Variants in ATN1 observed in about 807,000 individuals in gnomAD.
The protein encoded by ATN1 is atrophin 1.
Under a neutral mutation model 85.8 loss-of-function variants are expected in ATN1, and 19 were observed. The observed-to-expected ratio is 0.22, with a 90% confidence interval of 0.15 to 0.32. The LOEUF (loss-of-function observed/expected upper bound fraction) is 0.32. Among genes scored for constraint, ATN1 ranks in the 10% least tolerant of loss-of-function variants. The pLI, the probability that ATN1 is intolerant of heterozygous loss-of-function variation, is 1.00. For synonymous variants in ATN1, 674 were observed against 657.0 expected (o/e 1.03, Z -0.39); for missense variants, 1,453 against 1,564.5 (o/e 0.93, Z 1.20).
rs1555143346 is a variant in ATN1, at chr12:6,934,478, A to G, written c.179A>G (p.Glu60Gly). 1 of 1,592,612 alleles carries G rather than the reference A, an allele frequency of 6.3e-7. No homozygotes were observed. ...TCTCTCTAACAGAAGGCCCGAGTAG[A>G]GGAAGCCTCCACCCCAAAGGTCAAC... ...SRQTAKKARVEEASTPKVNKQ... is the reference protein window; with the variant it reads ...SRQTAKKARVGEASTPKVNKQ... The change falls in exon 4 of 10, where the codon GAG (glutamate) becomes GGG (glycine). Residue 60 changes from glutamate to glycine, a missense_variant. By Grantham distance (98) the Glu-to-Gly change is moderately conservative (BLOSUM62 -2). Around this residue, in one of 6 missense-constraint regions of ATN1, gnomAD observed 130 missense variants for 158.2 expected, o/e 0.82. Transcript: ENST00000396684. This position sits in a 1 kb window ranked among gnomAD's most constrained non-coding sequence, Gnocchi z 4.5.
rs782469700 is a variant in ATN1, at chr12:6,937,266, A to G, written c.1999A>G (p.Thr667Ala). Reference protein sequence around the residue: ...YKPGSPPSFRTGTPPGYRGTS... With the variant: ...YKPGSPPSFRAGTPPGYRGTS... Reference sequence around the variant, plus strand: ...ACCCGGGTCGCCTCCCTCCTTCCGAACGGGGACCCCACCGGGCTATCGAGG... The same window carrying G: ...ACCCGGGTCGCCTCCCTCCTTCCGAGCGGGGACCCCACCGGGCTATCGAGG... The change falls in exon 5 of 10, where the codon ACG (threonine) becomes GCG (alanine). Residue 667 changes from threonine (T) to alanine (A), a missense_variant. By Grantham distance (58) the Thr-to-Ala change is moderately conservative. Transcript: ENST00000396684. This position sits in a 1 kb window ranked among gnomAD's most constrained non-coding sequence, Gnocchi z 6.0. 6.2e-7 allele frequency: 1 copy of G among 1,609,970 alleles called. No individual in the cohort carries two copies. The highest frequency in any genetic ancestry group is 1.1e-5 in the South Asian group (1 of 90,892).
At chr12:6,925,367 C>A (rs782635366), upstream of ATN1, among the ~76,000 whole-genome samples, 1 of 152,010 alleles carries the variant, frequency 6.6e-6, no homozygotes, top group Non-Finnish European at 1.5e-5. Flanking sequence ...AGGGCTTGAG[C>A]CAAGGCCCAG....
In ATN1 at chr12:6,937,709, T is replaced by C. The variant is rs1945569388; in HGVS notation, c.2295-136T>C. ...TCCTCCGTCCAGGCCTAGTGGCCAGTGAGGCCCGCAGCAGCTCACAGCCTG... is the reference window on the plus strand; with the variant it reads ...TCCTCCGTCCAGGCCTAGTGGCCAGCGAGGCCCGCAGCAGCTCACAGCCTG... On this transcript the variant is annotated intron_variant, in intron 5 of 9. Coordinates refer to ENST00000396684, the MANE Select transcript of ATN1 (RefSeq NM_001940.4). This position sits in a 1 kb window ranked among gnomAD's most constrained non-coding sequence, Gnocchi z 6.0. 3.5e-6 allele frequency: 5 copies of C among 1,441,666 alleles called. No individual in the cohort carries two copies. In the African/African-American group the frequency reaches 4.3e-5, roughly 12 times the overall value. The allele number at this position is 1,441,666 out of a possible 1,614,324, so 89.3% of individuals were successfully genotyped here. A position where few individuals can be genotyped will look rare whatever the true frequency, so the allele number is the denominator to read the frequency against.
rs782227553 is a variant in ATN1 at position 6,941,698 on chromosome 12, G to A, written c.3540-49G>A. 1 of 1,606,450 alleles carries A rather than the reference G, an allele frequency of 6.2e-7. No individual in the cohort carries two copies. The highest frequency in any genetic ancestry group is 1.3e-5 in the African/African-American group (1 of 74,718). ...TTCGGTAAGAGGGGGCAAGGTCAGA[G>A]TTGGTCTCAAGTCTCTTACCTCTCT... On this transcript the variant is annotated intron_variant, in intron 9 of 9. Coordinates refer to ENST00000396684, the MANE Select transcript of ATN1 (RefSeq NM_001940.4). This position sits in a 1 kb window ranked among gnomAD's most constrained non-coding sequence, Gnocchi z 5.9.
At position 6,928,016 on chromosome 12, in the gene ATN1, C is replaced by G. The variant is rs1945416191; in HGVS notation, c.-531C>G. Among the ~76,000 whole-genome samples the G allele has an allele frequency of 7.1e-6, 1 of 140,184 alleles. No homozygotes were observed. The highest frequency in any genetic ancestry group is 1.6e-5 in the Non-Finnish European group (1 of 63,852). 92.0% of individuals were successfully genotyped at this position (140,184 alleles called of 152,430 possible). On this transcript the variant is annotated 5_prime_UTR_variant, in exon 1 of 10. Coordinates refer to ENST00000396684, the MANE Select transcript of ATN1 (RefSeq NM_001940.4). ...GGGTGCGGGCTGCGCTAGGCGGGCG[C>G]GGGCGGCGGCGGGTCGGAACCGCGC...
At position 6,938,712 on chromosome 12, in the gene ATN1, G is replaced by T; in HGVS notation, c.2749G>T (p.Gly917Cys). The change falls in exon 7 of 10, where the codon GGT becomes TGT. Residue 917 changes from glycine (G) to cysteine (C), a missense_variant. This residue lies in a region of ATN1 where 208 missense variants were observed against 263.4 expected (regional missense o/e 0.79). Transcript: ENST00000396684. ...GGGGGCAGTGGACCCGGGGCTCCTG[G>T]GTTACAATGTCCCGGCCCTGTACAG... ...PLGAVDPGLL[G>C]YNVPALYSSD... 6.2e-7 allele frequency: 1 copy of T among 1,614,064 alleles called. No homozygotes were observed.
At chr12:6,931,456 G>A (rs1252841137) in intron 1 of ATN1, among the ~76,000 whole-genome samples, 1 of 147,822 alleles carries the variant, frequency 6.8e-6, no homozygotes, top group African/African-American at 2.5e-5. Flanking sequence ...GCTCACGCCT[G>A]TAATCCCAAC....
upstream of ATN1, among the ~76,000 whole-genome samples, chr12:6,926,487 T>G (rs1465698867): frequency 6.6e-6 from 1 of 151,802 alleles, no homozygotes; most frequent in African/African-American, 2.4e-5. Flanking sequence ...TTTTCTTTTT[T>G]TTTTTGAGAC....
In ATN1 at chr12:6,937,247, G is replaced by C; in HGVS notation, c.1980G>C (p.Gly660=). 1 of 1,611,818 alleles carries C rather than the reference G, an allele frequency of 6.2e-7. No homozygotes were observed. The highest frequency in any genetic ancestry group is 8.5e-7 in the Non-Finnish European group (1 of 1,179,646). Residue 660 remains glycine, a synonymous_variant, in exon 5 of 10, where the codon GGG becomes GGC. Transcript: ENST00000396684. The surrounding 1 kb of genome is among the most constrained non-coding windows in gnomAD (Gnocchi z 6.0). ...KTATPPGYKP[G]SPPSFRTGTP... The stretch of plus-strand genomic sequence containing the variant: ...CCACCCCACCCGGATACAAACCCGG[G>C]TCGCCTCCCTCCTTCCGAACGGGGA...
At position 6,937,498 on chromosome 12, in the gene ATN1, C is replaced by T; in HGVS notation, c.2231C>T (p.Ala744Val). Residue 744 changes from alanine to valine, a missense_variant, in exon 5 of 10, where the codon GCC becomes GTC. By Grantham distance (64) the Ala-to-Val change is moderately conservative. Transcript: ENST00000396684. The surrounding 1 kb of genome is among the most constrained non-coding windows in gnomAD (Gnocchi z 6.0). ...ACCCCCGAGAGCCCGGTGCCCCCAGCCCGCAGCCCCTCGCCCCCTCCCAAG... is the reference window on the plus strand; with the variant it reads ...ACCCCCGAGAGCCCGGTGCCCCCAGTCCGCAGCCCCTCGCCCCCTCCCAAG... Reference protein sequence around the residue: ...YETPESPVPPARSPSPPPKVV... With the variant: ...YETPESPVPPVRSPSPPPKVV... 1.3e-6 allele frequency: 2 copies of T among 1,544,210 alleles called. No individual in the cohort carries two copies. The highest frequency in any genetic ancestry group is 8.7e-7 in the Non-Finnish European group (1 of 1,146,650).
At chr12:6,939,608 C>T (rs1945606928) in intron 7 of ATN1, among the ~76,000 whole-genome samples, 5 of 152,116 alleles carry the variant, frequency 3.3e-5, no homozygotes, top group Admixed American at 3.3e-4. Flanking sequence ...CTCAAGTGAT[C>T]CTCCTACCTC....
chr12:6,939,505 CTTAT>C (rs1288796751), intron 7 of ATN1, among the ~76,000 whole-genome samples: 7 of 152,174 alleles, frequency 4.6e-5, no homozygotes, highest in African/African-American at 7.2e-5. Context: ...AACCTGTCTT[CTTAT>C]TTATTTTTTT....
Position 6,936,190 on chromosome 12 carries a change from G to A in ATN1, c.923G>A (p.Arg308Lys). Residue 308 changes from arginine (R) to lysine (K), a missense_variant, in exon 5 of 10, where the codon AGA (arginine) becomes AAA (lysine). Around this residue, in one of 6 missense-constraint regions of ATN1, gnomAD observed 990 missense variants for 914.8 expected, o/e 1.08. Coordinates refer to ENST00000396684, the MANE Select transcript of ATN1 (RefSeq NM_001940.4). ...AACCTGCCTCCCCCACCTGCCCTGA[G>A]ACCCCTCAACAATGCATCAGCCTCT... is the stretch of plus-strand genomic sequence containing the variant. ...TPNLPPPPAL[R>K]PLNNASASPP... 6.4e-7 allele frequency: 1 copy of A among 1,573,720 alleles called. No individual in the cohort carries two copies. The highest frequency in any genetic ancestry group is 8.6e-7 in the Non-Finnish European group (1 of 1,159,274).
At chr12:6,940,852 T>G in intron 7 of ATN1, 28 bp from the exon 8 acceptor site, 1 of 1,614,098 alleles carries the variant, frequency 6.2e-7, no homozygotes, top group Non-Finnish European at 8.5e-7. Flanking sequence ...TGCCTTCTGG[T>G]GACACCTTCC....
At chr12:6,927,597 C>T (rs1437895417), upstream of ATN1, among the ~76,000 whole-genome samples, 6 of 150,636 alleles carry the variant, frequency 4.0e-5, no homozygotes, top group Non-Finnish European at 5.9e-5. Context: ...CGCGCCCCGG[C>T]CCCCTCGGCC....
Position 6,935,738 on chromosome 12 carries a change from C to A in ATN1, c.471C>A (p.Arg157=), listed in dbSNP as rs782053171. 16 of 1,613,842 alleles carry A rather than the reference C, an allele frequency of 9.9e-6. No homozygotes were observed. Among genetic ancestry groups the A allele is most frequent in the African/African-American group, 1.3e-5 (1 of 74,966 alleles). The change falls in exon 5 of 10, where the codon CGC becomes CGA. Residue 157 remains arginine (R), a synonymous_variant. Coordinates refer to ENST00000396684, the MANE Select transcript of ATN1 (RefSeq NM_001940.4). The surrounding 1 kb of genome is among the most constrained non-coding windows in gnomAD (Gnocchi z 5.3). ...SSSGLSQGPA[R]PYHPPPLFPP... Reference sequence around the variant, plus strand: ...CTGGCCTGTCCCAGGGCCCAGCCCGCCCCTACCACCCACCTCCACTCTTTC... The same window carrying A: ...CTGGCCTGTCCCAGGGCCCAGCCCGACCCTACCACCCACCTCCACTCTTTC...
chr12:6,941,860 C>G lies in ATN1; in HGVS notation c.*80C>G. 6.9e-7 allele frequency: 1 copy of G among 1,453,004 alleles called. No individual in the cohort carries two copies. The highest frequency in any genetic ancestry group is 9.7e-7 in the Non-Finnish European group (1 of 1,035,498). The allele number at this position is 1,453,004 out of a possible 1,614,324, so 90.0% of individuals were successfully genotyped here. A position where few individuals can be genotyped will look rare whatever the true frequency, so the allele number is the denominator to read the frequency against. ...ACCCTCCCCCCACCGTGCCCTTGGC[C>G]TGCCACCCAGAGCCAAGAGGGTGCT... is the stretch of plus-strand genomic sequence containing the variant. On this transcript the variant is annotated 3_prime_UTR_variant, in exon 10 of 10. Transcript: ENST00000396684. The surrounding 1 kb of genome is among the most constrained non-coding windows in gnomAD (Gnocchi z 5.9).
In ATN1 at chr12:6,937,827, T is replaced by A. The variant is rs1555144057; in HGVS notation, c.2295-18T>A. 1 of 1,539,456 alleles carries A rather than the reference T, an allele frequency of 6.5e-7. No homozygotes were observed. The highest frequency in any genetic ancestry group is 8.8e-7 in the Non-Finnish European group (1 of 1,142,722). ...CAGCTCGCACCGCCTGAGCGCCCGC[T>A]GCTTCCACGCCCGGCAGGTTCAACA... is the stretch of plus-strand genomic sequence containing the variant. On this transcript the variant is annotated intron_variant, in intron 5 of 9. Transcript: ENST00000396684. This position sits in a 1 kb window ranked among gnomAD's most constrained non-coding sequence, Gnocchi z 6.0.
At chr12:6,938,196 G>C (rs1215521761) in intron 6 of ATN1, 129 bp downstream of exon 6, 1 of 1,432,646 alleles carries the variant, frequency 7.0e-7, no homozygotes, top group Admixed American at 2.8e-5. Context: ...GCCACCTGTC[G>C]GAGGGGAGGT....
Sources: allele counts gnomAD v4.1 joint callset (sites outside exome capture counted in the v4.1 genomes callset), GRCh38; gene constraint gnomAD v4.1.1; regional missense constraint gnomAD v4.1.1; non-coding constraint Gnocchi (gnomAD v3.1); transcripts MANE v1.5; gene names NCBI Gene and HGNC (gene_info 2026-07-23, HGNC 2026-07-21).